PIBF1: variants seen among roughly 807,000 people sequenced by gnomAD.
The protein encoded by PIBF1 is progesterone-induced-blocking factor 1.
Under a neutral mutation model 112.5 loss-of-function variants are expected in PIBF1, and 90 were observed. The ratio of observed to expected loss-of-function variants is 0.80; its 90% CI spans 0.67 to 0.95. The LOEUF is 0.95. PIBF1 is among the 40% of genes least tolerant of loss of function. The probability of loss-of-function intolerance (pLI) is 0.00; values close to 1 mark genes in which losing one functional copy is unlikely to be tolerated. For synonymous variants in PIBF1, 301 were observed against 288.6 expected (o/e 1.04, Z -0.44); for missense variants, 915 against 852.3 (o/e 1.07, Z -0.92).
chr13:72,869,827 A>G (rs2039089059), intron 10 of PIBF1, among the ~76,000 whole-genome samples: 1 of 151,992 alleles, frequency 6.6e-6, no homozygotes, highest in African/African-American at 2.4e-5. Flanking sequence ...ACACATATAT[A>G]TATATCTTTA....
At chr13:72,947,536 A>G (rs776913022) in intron 14 of PIBF1, among the ~76,000 whole-genome samples, 4 of 152,218 alleles carry the variant, frequency 2.6e-5, no homozygotes, top group Non-Finnish European at 5.9e-5. Flanking sequence ...TTCTCCCCAG[A>G]AAATGAGGTT....
intron 9 of PIBF1, among the ~76,000 whole-genome samples, chr13:72,846,963 T>G (rs1405556439): frequency 6.6e-6 from 1 of 152,168 alleles, no homozygotes; most frequent in Non-Finnish European, 1.5e-5. Context: ...AGAAATTAGG[T>G]GGCTGTTGGT....
At chr13:72,824,616 T>C (rs1299810416) in intron 6 of PIBF1, among the ~76,000 whole-genome samples, 2 of 152,142 alleles carry the variant, frequency 1.3e-5, no homozygotes, top group African/African-American at 4.8e-5. Context: ...TGTATATGCA[T>C]GTAAGAATGA....
At position 72,805,652 on chromosome 13, in the gene PIBF1, C is replaced by T. The variant is rs552219115; in HGVS notation, c.672+7626C>T. On this transcript the variant is annotated intron_variant, in intron 5 of 17. Coordinates refer to ENST00000326291, the MANE Select transcript of PIBF1 (RefSeq NM_006346.4). ...ATAAGCTTTGGGGAAAAAAACATGA[C>T]TAGATGGTATTCACCCAAGAATTTT... Among the ~76,000 whole-genome samples the T allele has an allele frequency of 6.9e-4, 105 of 152,270 alleles. 2 individuals carry two copies. The highest frequency in any genetic ancestry group is 7.9e-4 in the Non-Finnish European group (54 of 68,020).
At chr13:72,833,773 C>T (rs1594008739) in intron 8 of PIBF1, among the ~76,000 whole-genome samples, 2 of 152,160 alleles carry the variant, frequency 1.3e-5, no homozygotes, top group African/African-American at 2.4e-5. Context: ...AGAGTTCAAA[C>T]GCTGTGCTGG....
At chr13:72,859,699 C>T (rs1432829577) in intron 10 of PIBF1, among the ~76,000 whole-genome samples, 3 of 151,996 alleles carry the variant, frequency 2.0e-5, no homozygotes, top group Non-Finnish European at 4.4e-5. Context: ...GGTTTATAGG[C>T]TTAGATGTGA....
At chr13:72,957,604 C>T (rs1165597265) in intron 14 of PIBF1, among the ~76,000 whole-genome samples, 1 of 152,074 alleles carries the variant, frequency 6.6e-6, no homozygotes, top group Non-Finnish European at 1.5e-5. Flanking sequence ...TCTCAGAAAT[C>T]ACCACTAAAG....
At chr13:72,958,645 T>A (rs1363841650) in intron 14 of PIBF1, among the ~76,000 whole-genome samples, 2 of 152,198 alleles carry the variant, frequency 1.3e-5, no homozygotes, top group East Asian at 3.9e-4. Flanking sequence ...GAGACCTGCC[T>A]GTAATCCAGC....
chr13:73,006,213 C>T (rs2044030431), intron 17 of PIBF1, among the ~76,000 whole-genome samples: 1 of 152,220 alleles, frequency 6.6e-6, no homozygotes, highest in Non-Finnish European at 1.5e-5. Context: ...GCCACCACGC[C>T]TGGCCCGGTC....
chr13:72,783,380 T>G lies in PIBF1; in HGVS notation c.-47-43T>G. ...TTAATACAGTCCATGATTTCTGTAGTTAATTTTATAGTACATTTGAATTAA... is the reference window on the plus strand; with the variant it reads ...TTAATACAGTCCATGATTTCTGTAGGTAATTTTATAGTACATTTGAATTAA... On this transcript the variant is annotated intron_variant, in intron 1 of 17. Coordinates refer to ENST00000326291, the MANE Select transcript of PIBF1 (RefSeq NM_006346.4). The G allele has an allele frequency of 5.6e-6, 5 of 889,680 alleles. 1 individual carries two copies. In the South Asian group the frequency reaches 6.8e-5, roughly 12 times the overall value. The allele number at this position is 889,680 out of a possible 1,614,324, so 55.1% of individuals were successfully genotyped here.
chr13:72,897,189 T>C (rs2040313829), intron 11 of PIBF1, among the ~76,000 whole-genome samples: 1 of 152,154 alleles, frequency 6.6e-6, no homozygotes, highest in South Asian at 2.1e-4. Context: ...TAACTTTGTA[T>C]CTAGTGAAAC....
At chr13:72,922,128 C>A (rs148372631) in intron 13 of PIBF1, among the ~76,000 whole-genome samples, 2 of 151,930 alleles carry the variant, frequency 1.3e-5, no homozygotes, top group South Asian at 4.2e-4. Context: ...GCACGCTGTA[C>A]CTGGCTAATT....
intron 9 of PIBF1, among the ~76,000 whole-genome samples, chr13:72,852,284 C>T (rs1431695949): frequency 4.6e-5 from 7 of 152,174 alleles, no homozygotes; most frequent in Admixed American, 2.0e-4. Flanking sequence ...TCCAAGCTTC[C>T]GGACACCACT....
intron 2 of PIBF1, among the ~76,000 whole-genome samples, chr13:72,790,830 A>G (rs2034886421): frequency 6.6e-6 from 1 of 152,188 alleles, no homozygotes; most frequent in African/African-American, 2.4e-5. Flanking sequence ...TAACAAGAAT[A>G]GTTTCACTGG....
intron 10 of PIBF1, among the ~76,000 whole-genome samples, chr13:72,859,862 A>G (rs553444387): frequency 1.3e-5 from 2 of 152,312 alleles, no homozygotes; most frequent in South Asian, 4.1e-4. Context: ...TCAGAGGAAT[A>G]TGGCCATAAC....
Position 72,847,487 on chromosome 13 carries a change from A to G in PIBF1, c.1224-6570A>G, listed in dbSNP as rs938477652. ...AAGGGGGAGCCAAACTCACCCTTTT[A>G]TAATGGCACCATTCCCACTCTCATG... On this transcript the variant is annotated intron_variant, in intron 9 of 17. Coordinates refer to ENST00000326291, the MANE Select transcript of PIBF1 (RefSeq NM_006346.4). Among the ~76,000 whole-genome samples the G allele has an allele frequency of 9.2e-5, 14 of 152,220 alleles. No individual in the cohort carries two copies. In the South Asian group the frequency reaches 2.7e-3, roughly 29 times the overall value.
intron 10 of PIBF1, among the ~76,000 whole-genome samples, chr13:72,882,181 T>C (rs935752257): frequency 1.3e-5 from 2 of 151,882 alleles, no homozygotes; most frequent in Non-Finnish European, 2.9e-5. Flanking sequence ...GCCAACAACA[T>C]ACATTGGGGA....
At chr13:72,979,659 C>G (rs1232460954) in intron 16 of PIBF1, among the ~76,000 whole-genome samples, 1 of 152,130 alleles carries the variant, frequency 6.6e-6, no homozygotes, top group Non-Finnish European at 1.5e-5. Context: ...CGTGGTGGCT[C>G]AAGCCTGTAA....
intron 5 of PIBF1, among the ~76,000 whole-genome samples, chr13:72,817,996 T>C (rs1454767897): frequency 6.6e-6 from 1 of 152,174 alleles, no homozygotes; most frequent in Non-Finnish European, 1.5e-5. Context: ...TGCATTCTTA[T>C]ACTGCACTTA....
Sources: gnomAD v4.1 joint callset for allele counts (sites outside exome capture counted in the v4.1 genomes callset) on GRCh38, gnomAD v4.1.1 for gene constraint, MANE v1.5 for transcripts, NCBI Gene and HGNC (gene_info 2026-07-23, HGNC 2026-07-21) for gene names.